Variants in PRDM10 observed in about 807,000 individuals in gnomAD.
PRDM10 encodes the protein PR domain zinc finger protein 10.
A neutral mutation model predicts 133.1 loss-of-function variants in PRDM10; 65 were observed. The ratio of observed to expected loss-of-function variants is 0.49; its 90% confidence interval spans 0.40 to 0.60. PRDM10 has a LOEUF of 0.60. Ranked by LOEUF, PRDM10 falls within the 20% of genes least tolerant of loss-of-function variation. The pLI is 0.00. For synonymous variants in PRDM10, 582 were observed against 580.4 expected, an observed-to-expected ratio of 1.00 and a Z score of -0.04; for missense variants, 1,137 against 1,507.1, an observed-to-expected ratio of 0.75 and a Z score of 4.07.
chr11:129,939,053 G>T (rs1422806952), intron 7 of PRDM10, among the ~76,000 whole-genome samples: 1 of 152,144 alleles, frequency 6.6e-6, no homozygotes, highest in African/African-American at 2.4e-5. Flanking sequence ...GTAGAGCCTC[G>T]TCAGCAGGGC....
intron 4 of PRDM10, chr11:129,948,148 G>A (rs1951481345): frequency 2.3e-6 from 1 of 441,800 alleles, no homozygotes; most frequent in East Asian, 7.0e-5. Flanking sequence ...TTAGGTTAAT[G>A]CTATCTTATC....
At chr11:129,915,938 A>T (rs1365135761) in intron 15 of PRDM10, 78 bp from the exon 16 acceptor site, 13 of 1,399,246 alleles carry the variant, frequency 9.3e-6, no homozygotes, top group Admixed American at 2.4e-5. Context: ...CAATTTCATT[A>T]TAAGAAAATG....
Position 129,904,643 on chromosome 11 carries a change from G to A in PRDM10, c.3267+995C>T, listed in dbSNP as rs1303551986. Among the ~76,000 whole-genome samples, 3 of 152,096 alleles carry A rather than the reference G, an allele frequency of 2.0e-5. No individual in the cohort carries two copies. In the East Asian group the frequency reaches 5.8e-4, roughly 29 times the overall value. On this transcript the variant is annotated intron_variant, in intron 20 of 20. Transcript: ENST00000360871. ...GCCTCCTGAGTAGCTGGGATTATAG[G>A]GATGCACCACCACACCCAGCTAATT... is the stretch of plus-strand genomic sequence containing the variant.
At chr11:129,932,417 C>T (rs1435572591) in intron 9 of PRDM10, among the ~76,000 whole-genome samples, 186 bp from the exon 10 acceptor site, 1 of 152,184 alleles carries the variant, frequency 6.6e-6, no homozygotes, top group Non-Finnish European at 1.5e-5. Flanking sequence ...TCCTTCCCCT[C>T]TATTACAGCT....
Position 129,923,455 on chromosome 11 carries a change from T to C in PRDM10, c.1879-52A>G, listed in dbSNP as rs745784824. On this transcript the variant is annotated intron_variant, in intron 12 of 20. Transcript: ENST00000360871. This position sits in a 1 kb window ranked among gnomAD's most constrained non-coding sequence, Gnocchi z 4.4. Reference sequence around the variant, plus strand: ...CAGGGGACGCAGGCACCAAATGAAATGACCAAAGGCAGCTTGTCAACGCTA... The same window carrying C: ...CAGGGGACGCAGGCACCAAATGAAACGACCAAAGGCAGCTTGTCAACGCTA... 6.4e-6 allele frequency: 10 copies of C among 1,555,914 alleles called. No homozygotes were observed. The highest frequency in any genetic ancestry group is 7.8e-6 in the Non-Finnish European group (9 of 1,150,352).
At chr11:129,910,073 C>T (rs1650815) in intron 19 of PRDM10, among the ~76,000 whole-genome samples, 69,101 of 152,118 alleles carry the variant, frequency 0.45, 19,292 homozygotes, top group African/African-American at 0.79. Flanking sequence ...TTAATGAAAG[C>T]TGGTTAACAT....
In PRDM10 at chr11:129,900,370, A is replaced by AGAG. The variant is rs1254927240; in HGVS notation, c.*1942_*1943insCTC. 6.6e-6 allele frequency: 1 copy of AGAG among 152,626 alleles called. No individual in the cohort carries two copies. Among genetic ancestry groups the AGAG allele is most frequent in the African/African-American group, 2.4e-5 (1 of 41,266 alleles). 9.5% of individuals were successfully genotyped at this position (152,626 alleles called of 1,614,324 possible). On this transcript the variant is annotated 3_prime_UTR_variant, in exon 21 of 21. Coordinates refer to ENST00000360871, the MANE Select transcript of PRDM10 (RefSeq NM_199437.2). The stretch of plus-strand genomic sequence containing the variant: ...AAGAAGAAGAAGAAGAAGAAGAAGA[A>AGAG]GAAGACAACTTAGAAGGGAAAGCAA...
In PRDM10 at chr11:129,964,648, T is replaced by C. The variant is rs1205272573; in HGVS notation, c.-118-3566A>G. On this transcript the variant is annotated intron_variant, in intron 1 of 20. Coordinates refer to ENST00000360871, the MANE Select transcript of PRDM10 (RefSeq NM_199437.2). ...ATATACAGACATTCCTCATTCTTCA[T>C]TACAGCTGCATATTTTTAATCTTGC... 5.3e-5 allele frequency among the ~76,000 whole-genome samples: 8 copies of C among 152,254 alleles called. No individual in the cohort carries two copies. In the East Asian group the frequency reaches 1.2e-3, roughly 22 times the overall value.
At chr11:129,968,203 G>T (rs1488341234) in intron 1 of PRDM10, among the ~76,000 whole-genome samples, 1 of 152,154 alleles carries the variant, frequency 6.6e-6, no homozygotes, top group African/African-American at 2.4e-5. Context: ...AAGCAACAAA[G>T]GTTTCTGTAC....
intron 9 of PRDM10, among the ~76,000 whole-genome samples, chr11:129,934,268 C>T (rs1187739971): frequency 6.6e-6 from 1 of 152,216 alleles, no homozygotes; most frequent in East Asian, 1.9e-4. Context: ...AACCATGAAC[C>T]CCAAGTGGGC....
At chr11:129,938,968 A>G (rs996869994) in intron 7 of PRDM10, among the ~76,000 whole-genome samples, 1 of 152,130 alleles carries the variant, frequency 6.6e-6, no homozygotes, top group African/African-American at 2.4e-5. Context: ...CACCCCCACA[A>G]GTGCTGGGCT....
chr11:129,982,024 G>A (rs564080165), intron 1 of PRDM10, among the ~76,000 whole-genome samples: 24 of 152,110 alleles, frequency 1.6e-4, no homozygotes, highest in African/African-American at 4.1e-4. Context: ...TCTGGAGGCC[G>A]AGGCTGGTGG....
chr11:129,944,395 C>CCATCCTGGCTGA (rs373627728), intron 6 of PRDM10, among the ~76,000 whole-genome samples: 7 of 151,456 alleles, frequency 4.6e-5, no homozygotes, highest in African/African-American at 1.7e-4. Context: ...GAGATCGAGA[C>CCATCCTGGCTGA]CACGGTGAAA....
At position 129,960,786 on chromosome 11, in the gene PRDM10, G is replaced by A. The variant is rs570610748; in HGVS notation, c.69+110C>T. 115 of 1,095,540 alleles carry A rather than the reference G, an allele frequency of 1.0e-4. 2 individuals are homozygous for A. In the South Asian group the frequency reaches 1.1e-3, roughly 11 times the overall value. 67.9% of individuals were successfully genotyped at this position (1,095,540 alleles called of 1,614,324 possible). Reference sequence around the variant, plus strand: ...TCCTTGTGTACGAGTTCTTCATGTCGGCTCCTAACGACTAGTCACTACTAG... The same window carrying A: ...TCCTTGTGTACGAGTTCTTCATGTCAGCTCCTAACGACTAGTCACTACTAG... On this transcript the variant is annotated intron_variant, in intron 2 of 20. Coordinates refer to ENST00000360871, the MANE Select transcript of PRDM10 (RefSeq NM_199437.2).
At chr11:129,936,450 G>A (rs542287409) in intron 8 of PRDM10, among the ~76,000 whole-genome samples, 13 of 152,138 alleles carry the variant, frequency 8.5e-5, no homozygotes, top group African/African-American at 2.6e-4. Context: ...TCAGGAGATC[G>A]AGACCATCCT....
chr11:129,985,469 T>C (rs751008047), intron 1 of PRDM10, among the ~76,000 whole-genome samples: 4 of 151,998 alleles, frequency 2.6e-5, no homozygotes, highest in Non-Finnish European at 5.9e-5. Flanking sequence ...AACCAGTCTT[T>C]GTGAATGCAA....
intron 5 of PRDM10, among the ~76,000 whole-genome samples, chr11:129,946,807 A>C (rs1250690664): frequency 6.6e-6 from 1 of 152,202 alleles, no homozygotes; most frequent in East Asian, 1.9e-4. Context: ...TGAAGAGCGC[A>C]GGATCGGGCA....
chr11:129,958,623 G>C (rs1281643377), intron 2 of PRDM10, among the ~76,000 whole-genome samples: 1 of 152,172 alleles, frequency 6.6e-6, no homozygotes, highest in Non-Finnish European at 1.5e-5. Context: ...CAGCCTGGGT[G>C]AGAAGAGTGA....
At chr11:129,980,870 T>G (rs980452543) in intron 1 of PRDM10, among the ~76,000 whole-genome samples, 2 of 141,836 alleles carry the variant, frequency 1.4e-5, no homozygotes, top group East Asian at 2.0e-4. Context: ...GGTTTTTTTT[T>G]TTTTTTTTTT....
Sources: allele counts gnomAD v4.1 joint callset (sites outside exome capture counted in the v4.1 genomes callset), GRCh38; gene constraint gnomAD v4.1.1; non-coding constraint Gnocchi (gnomAD v3.1); transcripts MANE v1.5; gene names NCBI Gene and HGNC (gene_info 2026-07-23, HGNC 2026-07-21).